BCR: variants seen among roughly 807,000 people sequenced by gnomAD.
BCR encodes breakpoint cluster region protein.
In BCR, 58 loss-of-function variants were observed where a neutral mutation model predicts 138.6. The observed-to-expected ratio is 0.42, with a 90% CI of 0.34 to 0.52. The LOEUF is 0.52. BCR is among the 20% of genes least tolerant of loss of function. BCR has a pLI of 0.06. For missense variants in BCR, 1,599 were observed against 1,727.2 expected (o/e 0.93, Z 1.32); for synonymous variants, 786 against 730.1 (o/e 1.08, Z -1.23).
At chr22:23,285,642 T>G (rs1213965501) in intron 10 of BCR, among the ~76,000 whole-genome samples, 1 of 152,194 alleles carries the variant, frequency 6.6e-6, no homozygotes, top group Non-Finnish European at 1.5e-5. Context: ...GTGTTTTCAC[T>G]GGCATCCCCG....
chr22:23,208,306 C>G (rs1247129085), intron 1 of BCR, among the ~76,000 whole-genome samples: 1 of 152,212 alleles, frequency 6.6e-6, no homozygotes, highest in East Asian at 1.9e-4. Context: ...CTGTGTGACA[C>G]TGAAGCTCTG....
chr22:23,223,114 A>C (rs1037667249), intron 1 of BCR, among the ~76,000 whole-genome samples: 1 of 152,174 alleles, frequency 6.6e-6, no homozygotes, highest in African/African-American at 2.4e-5. Context: ...ACCTCCCAGC[A>C]GCCCCACCTC....
intron 1 of BCR, chr22:23,198,117 G>T (rs958119843): frequency 4.1e-5 from 12 of 293,308 alleles, no homozygotes; most frequent in South Asian, 3.8e-4. Context: ...GGAAGTGACT[G>T]TTAGGAGGTT....
At chr22:23,256,604 G>A (rs1313690463) in intron 2 of BCR, among the ~76,000 whole-genome samples, 1 of 152,154 alleles carries the variant, frequency 6.6e-6, no homozygotes, top group Non-Finnish European at 1.5e-5. Context: ...CAGCAGCTGT[G>A]CTAGCTACAC....
intron 8 of BCR, among the ~76,000 whole-genome samples, chr22:23,276,732 G>T (rs2073581620): frequency 6.6e-6 from 1 of 152,260 alleles, no homozygotes; most frequent in South Asian, 2.1e-4. Context: ...GGCACTCCAA[G>T]CCTGGACATC....
chr22:23,274,612 C>G (rs760046570), intron 8 of BCR, among the ~76,000 whole-genome samples: 1 of 152,148 alleles, frequency 6.6e-6, no homozygotes, highest in Non-Finnish European at 1.5e-5. Flanking sequence ...CTGTAGTTGC[C>G]TCAGAACCAC....
At chr22:23,300,622 G>A (rs920955603) in intron 16 of BCR, among the ~76,000 whole-genome samples, 8 of 152,176 alleles carry the variant, frequency 5.3e-5, no homozygotes, top group African/African-American at 7.2e-5. Flanking sequence ...CAGGGAGACC[G>A]CCCGAAAATG....
At chr22:23,207,528 TG>T (rs1458848366) in intron 1 of BCR, among the ~76,000 whole-genome samples, 1 of 152,102 alleles carries the variant, frequency 6.6e-6, no homozygotes, top group Non-Finnish European at 1.5e-5. Context: ...GAGGCTGAGT[TG>T]GGAGGATCGC....
At chr22:23,289,318 C>A (rs1038754614) in intron 12 of BCR, among the ~76,000 whole-genome samples, 199 bp from the exon 13 acceptor site, 1 of 152,214 alleles carries the variant, frequency 6.6e-6, no homozygotes, top group African/African-American at 2.4e-5. Context: ...CAGGCCTGGG[C>A]TCTCCAGGGC....
chr22:23,247,833 T>A (rs1213330186), intron 1 of BCR, among the ~76,000 whole-genome samples: 2 of 152,254 alleles, frequency 1.3e-5, no homozygotes, highest in Non-Finnish European at 2.9e-5. Flanking sequence ...CTTTTGTGTC[T>A]GGCTTATTCC....
At chr22:23,282,491 C>A (rs1366672893) in intron 8 of BCR, among the ~76,000 whole-genome samples, 4 of 152,248 alleles carry the variant, frequency 2.6e-5, no homozygotes, top group Non-Finnish European at 5.9e-5. Context: ...TGACATGAAG[C>A]CTCCACCTCT....
chr22:23,298,545 TC>T (rs2073870067), intron 16 of BCR, among the ~76,000 whole-genome samples: 3 of 151,098 alleles, frequency 2.0e-5, no homozygotes, highest in African/African-American at 4.9e-5. Context: ...TTCCCTTCCT[TC>T]CCTTCCTTCC....
In BCR at chr22:23,181,893, GC is replaced by G; in HGVS notation, c.937del (p.Arg313AlafsTer186). 1 of 1,613,406 alleles carries G rather than the reference GC, an allele frequency of 6.2e-7. No individual in the cohort carries two copies. Among genetic ancestry groups the G allele is most frequent in the Non-Finnish European group, 8.5e-7 (1 of 1,179,932 alleles). ...CTGAGCAGGAGAAGCGCCTTACCTGGCCCCGCAGGTCCTACTCCCCCCGGAG... is the reference window on the plus strand; with the variant it reads ...CTGAGCAGGAGAAGCGCCTTACCTGGCCCGCAGGTCCTACTCCCCCCGGAG... Reference protein sequence around the residue: ...TSEQEKRLTWPRRSYSPRSFE... With the variant: ...TSEQEKRLTWXRRSYSPRSFE... On this transcript the variant is annotated frameshift_variant, in exon 1 of 23. Coordinates refer to ENST00000305877, the MANE Select transcript of BCR (RefSeq NM_004327.4). LOFTEE classifies it high-confidence loss of function.
intron 1 of BCR, among the ~76,000 whole-genome samples, chr22:23,213,045 C>T (rs989814193): frequency 2.0e-5 from 3 of 152,202 alleles, no homozygotes; most frequent in African/African-American, 4.8e-5. Flanking sequence ...GGCTTCCTCA[C>T]GGAGTGCTGC....
At chr22:23,254,576 C>G (rs201428550) in intron 2 of BCR, 98 of 518,852 alleles carry the variant, frequency 1.9e-4, no homozygotes, top group Non-Finnish European at 3.5e-4. Context: ...CACGCCCCCC[C>G]TCACATGAGA....
chr22:23,263,542 A>G, intron 4 of BCR: 6 of 1,576,080 alleles, frequency 3.8e-6, no homozygotes, highest in Non-Finnish European at 5.2e-6. Context: ...ATCCTGGCCT[A>G]CCAGTTCCGT....
At chr22:23,260,107 T>A (rs1174005655) in intron 2 of BCR, among the ~76,000 whole-genome samples, 1 of 152,172 alleles carries the variant, frequency 6.6e-6, no homozygotes, top group Non-Finnish European at 1.5e-5. Context: ...CACGTGAATT[T>A]GAGTGGGGAG....
intron 15 of BCR, among the ~76,000 whole-genome samples, chr22:23,293,072 T>C (rs2073807095): frequency 6.6e-6 from 1 of 151,510 alleles, no homozygotes; most frequent in Non-Finnish European, 1.5e-5. Context: ...CTCGGGGTGT[T>C]GGGTTTGTAT....
chr22:23,281,681 G>C (rs955923678), intron 8 of BCR, among the ~76,000 whole-genome samples: 2 of 152,098 alleles, frequency 1.3e-5, no homozygotes, highest in East Asian at 1.9e-4. Context: ...ACAGGTGGGT[G>C]GGGGGTTGGG....
Sources: allele counts gnomAD v4.1 joint callset (sites outside exome capture counted in the v4.1 genomes callset), GRCh38; gene constraint gnomAD v4.1.1; transcripts MANE v1.5; gene names NCBI Gene and HGNC (gene_info 2026-07-23, HGNC 2026-07-21).